HULC: variants seen among roughly 807,000 people sequenced by gnomAD.
HULC encodes hepatocellular carcinoma associated transcript 1 (non-protein coding).
At position 8,653,444 on chromosome 6, in the gene HULC, A is replaced by G. The variant is rs541126457; in HGVS notation, n.313+106230A>G. 27 of 152,236 alleles carry G rather than the reference A, an allele frequency of 1.8e-4. No homozygotes were observed. Among genetic ancestry groups the G allele is most frequent in the Middle Eastern group, 3.4e-3 (1 of 292 alleles). The allele number at this position is 152,236 out of a possible 1,614,324, so 9.4% of individuals were successfully genotyped here. ...GATGTAGAACAATATGGTCTTGGGA[A>G]GCTGAAAATGCTAACTGAAACAAGC... is the stretch of plus-strand genomic sequence containing the variant. On this transcript the variant is annotated intron_variant and non_coding_transcript_variant, in intron 3 of 8. Transcript: ENST00000645747. This position sits in a 1 kb window ranked among gnomAD's most constrained non-coding sequence, Gnocchi z 4.3.
rs1767327828 is a variant in HULC at position 8,653,349 on chromosome 6, ATGGAGAGACCCTT to A, written n.313+106137_313+106149del. On this transcript the variant is annotated intron_variant and non_coding_transcript_variant, in intron 3 of 8. Transcript: ENST00000645747. The surrounding 1 kb of genome is among the most constrained non-coding windows in gnomAD (Gnocchi z 4.3). ...CTTTTTTTTAATCATTGAAAAGTGA[ATGGAGAGACCCTT>A]TTTCATTTTTGCTGGACAGCTTACA... Among the ~76,000 whole-genome samples the A allele has an allele frequency of 6.6e-6, 1 of 152,130 alleles. No individual in the cohort carries two copies. The highest frequency in any genetic ancestry group is 2.4e-5 in the African/African-American group (1 of 41,430).
Position 8,652,603 on chromosome 6 carries a change from G to A in HULC, n.313+105389G>A, listed in dbSNP as rs1301067103. On this transcript the variant is annotated intron_variant and non_coding_transcript_variant, in intron 3 of 8. Transcript: ENST00000645747. This position sits in a 1 kb window ranked among gnomAD's most constrained non-coding sequence, Gnocchi z 5.0. ...GTTCGAACAATCTGGAACTCTTGAG[G>A]CTGAGCTGGTTCCCACAAGGACCAA... 6.6e-6 allele frequency: 1 copy of A among 152,266 alleles called. No homozygotes were observed. Among genetic ancestry groups the A allele is most frequent in the African/African-American group, 2.4e-5 (1 of 41,442 alleles). 9.4% of individuals were successfully genotyped at this position (152,266 alleles called of 1,614,324 possible). A position where few individuals can be genotyped will look rare whatever the true frequency, so the allele number is the denominator to read the frequency against.
chr6:8,653,802 A>G lies in HULC; in HGVS notation n.313+106588A>G, dbSNP rs1232332486. On this transcript the variant is annotated intron_variant and non_coding_transcript_variant, in intron 3 of 8. Coordinates refer to ENST00000645747, the Ensembl canonical transcript of HULC. The surrounding 1 kb of genome is among the most constrained non-coding windows in gnomAD (Gnocchi z 4.3). ...TATCATCAAAACTGAAACTAGAATTAAACAAAACTAAATTAAAATGAAATA... is the reference window on the plus strand; with the variant it reads ...TATCATCAAAACTGAAACTAGAATTGAACAAAACTAAATTAAAATGAAATA... The G allele has an allele frequency of 1.3e-5, 2 of 152,182 alleles. No homozygotes were observed. Among genetic ancestry groups the G allele is most frequent in the African/African-American group, 4.8e-5 (2 of 41,460 alleles). 9.4% of individuals were successfully genotyped at this position (152,182 alleles called of 1,614,324 possible). A position where few individuals can be genotyped will look rare whatever the true frequency, so the allele number is the denominator to read the frequency against.
rs1767325425 is a variant in HULC, at chr6:8,653,232, T to C, written n.313+106018T>C. The C allele has an allele frequency of 6.6e-6, 1 of 152,198 alleles. No homozygotes were observed. The highest frequency in any genetic ancestry group is 2.4e-5 in the African/African-American group (1 of 41,462). The allele number at this position is 152,198 out of a possible 1,614,324, so 9.4% of individuals were successfully genotyped here. A position where few individuals can be genotyped will look rare whatever the true frequency, so the allele number is the denominator to read the frequency against. ...AAAGATCAACCAACTTGTTCATTTT[T>C]CAATTGTTTAGGGCCTTGCTGGAAT... On this transcript the variant is annotated intron_variant and non_coding_transcript_variant, in intron 3 of 8. Transcript: ENST00000645747. The surrounding 1 kb of genome is among the most constrained non-coding windows in gnomAD (Gnocchi z 4.3).
rs1292172831 is a variant in HULC at position 8,653,324 on chromosome 6, CT to C, written n.313+106118del. On this transcript the variant is annotated intron_variant and non_coding_transcript_variant, in intron 3 of 8. Coordinates refer to ENST00000645747, the Ensembl canonical transcript of HULC. The surrounding 1 kb of genome is among the most constrained non-coding windows in gnomAD (Gnocchi z 4.3). ...TTATATAAAATTGATGCTTTTCTCTCTTTTTTTTAATCATTGAAAAGTGAAT... is the reference window on the plus strand; with the variant it reads ...TTATATAAAATTGATGCTTTTCTCTCTTTTTTTAATCATTGAAAAGTGAAT... 6.6e-6 allele frequency among the ~76,000 whole-genome samples: 1 copy of C among 151,806 alleles called. No homozygotes were observed. The highest frequency in any genetic ancestry group is 2.4e-5 in the African/African-American group (1 of 41,280).
At position 8,653,320 on chromosome 6, in the gene HULC, C is replaced by T. The variant is rs1266126056; in HGVS notation, n.313+106106C>T. On this transcript the variant is annotated intron_variant and non_coding_transcript_variant, in intron 3 of 8. Coordinates refer to ENST00000645747, the Ensembl canonical transcript of HULC. This position sits in a 1 kb window ranked among gnomAD's most constrained non-coding sequence, Gnocchi z 4.3. Reference sequence around the variant, plus strand: ...AGAGTTATATAAAATTGATGCTTTTCTCTCTTTTTTTTAATCATTGAAAAG... The same window carrying T: ...AGAGTTATATAAAATTGATGCTTTTTTCTCTTTTTTTTAATCATTGAAAAG... 6.6e-6 allele frequency among the ~76,000 whole-genome samples: 1 copy of T among 152,044 alleles called. No homozygotes were observed. The highest frequency in any genetic ancestry group is 2.4e-5 in the African/African-American group (1 of 41,394).
rs1361038776 is a variant in HULC, at chr6:8,653,593, T to A, written n.313+106379T>A. 1 of 152,224 alleles carries A rather than the reference T, an allele frequency of 6.6e-6. No homozygotes were observed. Among genetic ancestry groups the A allele is most frequent in the Non-Finnish European group, 1.5e-5 (1 of 68,040 alleles). The allele number at this position is 152,224 out of a possible 1,614,324, so 9.4% of individuals were successfully genotyped here. On this transcript the variant is annotated intron_variant and non_coding_transcript_variant, in intron 3 of 8. Coordinates refer to ENST00000645747, the Ensembl canonical transcript of HULC. The surrounding 1 kb of genome is among the most constrained non-coding windows in gnomAD (Gnocchi z 4.3). ...AAACTCTGAAGTAAAGGCCGGAATA[T>A]TCTTTGTTTAAAACATTAAAAACAA...
rs1303534606 is a variant in HULC at position 8,653,367 on chromosome 6, A to G, written n.313+106153A>G. On this transcript the variant is annotated intron_variant and non_coding_transcript_variant, in intron 3 of 8. Coordinates refer to ENST00000645747, the Ensembl canonical transcript of HULC. This position sits in a 1 kb window ranked among gnomAD's most constrained non-coding sequence, Gnocchi z 4.3. ...AAAGTGAATGGAGAGACCCTTTTTC[A>G]TTTTTGCTGGACAGCTTACAAATTC... 6.6e-6 allele frequency among the ~76,000 whole-genome samples: 1 copy of G among 151,756 alleles called. No homozygotes were observed. The highest frequency in any genetic ancestry group is 1.5e-5 in the Non-Finnish European group (1 of 67,928).
chr6:8,653,409 C>T lies in HULC; in HGVS notation n.313+106195C>T, dbSNP rs530565913. 99 of 152,088 alleles carry T rather than the reference C, an allele frequency of 6.5e-4. No individual in the cohort carries two copies. The highest frequency in any genetic ancestry group is 2.2e-3 in the African/African-American group (91 of 41,490). The allele number at this position is 152,088 out of a possible 1,614,324, so 9.4% of individuals were successfully genotyped here. A position where few individuals can be genotyped will look rare whatever the true frequency, so the allele number is the denominator to read the frequency against. On this transcript the variant is annotated intron_variant and non_coding_transcript_variant, in intron 3 of 8. Coordinates refer to ENST00000645747, the Ensembl canonical transcript of HULC. The surrounding 1 kb of genome is among the most constrained non-coding windows in gnomAD (Gnocchi z 4.3). ...TACAAATTCTAGATACATCAGAGCT[C>T]TTACATACAGATGTAGAACAATATG... is the stretch of plus-strand genomic sequence containing the variant.
rs757261173 is a variant in HULC, at chr6:8,652,855, A to G, written n.313+105641A>G. The G allele has an allele frequency of 6.6e-6, 1 of 152,248 alleles. No homozygotes were observed. The highest frequency in any genetic ancestry group is 1.5e-5 in the Non-Finnish European group (1 of 68,082). 9.4% of individuals were successfully genotyped at this position (152,248 alleles called of 1,614,324 possible). A position where few individuals can be genotyped will look rare whatever the true frequency, so the allele number is the denominator to read the frequency against. ...GACAACCATGTATGCTGTCTGAAGC[A>G]CAGCCTGACGCCCCTGTGGACCTTT... On this transcript the variant is annotated intron_variant and non_coding_transcript_variant, in intron 3 of 8. Transcript: ENST00000645747. The surrounding 1 kb of genome is among the most constrained non-coding windows in gnomAD (Gnocchi z 5.0).
Position 8,652,973 on chromosome 6 carries a change from G to A in HULC, n.313+105759G>A, listed in dbSNP as rs1173144297. 5 of 152,150 alleles carry A rather than the reference G, an allele frequency of 3.3e-5. No individual in the cohort carries two copies. Among genetic ancestry groups the A allele is most frequent in the African/African-American group, 4.8e-5 (2 of 41,418 alleles). The allele number at this position is 152,150 out of a possible 1,614,324, so 9.4% of individuals were successfully genotyped here. On this transcript the variant is annotated intron_variant and non_coding_transcript_variant, in intron 3 of 8. Transcript: ENST00000645747. This position sits in a 1 kb window ranked among gnomAD's most constrained non-coding sequence, Gnocchi z 5.0. The stretch of plus-strand genomic sequence containing the variant: ...CTCCACCCCCAACCCAGAACTCTGC[G>A]GATAAAGGAATTCTGGGAAATGTAG...
rs918834627 is a variant in HULC, at chr6:8,652,478, G to C, written n.313+105264G>C. The C allele has an allele frequency of 6.6e-6, 1 of 152,298 alleles. No homozygotes were observed. The highest frequency in any genetic ancestry group is 2.4e-5 in the African/African-American group (1 of 41,468). 9.4% of individuals were successfully genotyped at this position (152,298 alleles called of 1,614,324 possible). A position where few individuals can be genotyped will look rare whatever the true frequency, so the allele number is the denominator to read the frequency against. On this transcript the variant is annotated intron_variant and non_coding_transcript_variant, in intron 3 of 8. Coordinates refer to ENST00000645747, the Ensembl canonical transcript of HULC. The surrounding 1 kb of genome is among the most constrained non-coding windows in gnomAD (Gnocchi z 5.0). ...CACGTGAAGGTGGACTGAGACACAT[G>C]AAGCAGTCAGTGTGGGGCTGTTCCT...
rs1380887646 is a variant in HULC at position 8,653,408 on chromosome 6, T to C, written n.313+106194T>C. The C allele has an allele frequency of 6.6e-6, 1 of 152,082 alleles. No individual in the cohort carries two copies. The highest frequency in any genetic ancestry group is 6.6e-5 in the Admixed American group (1 of 15,256). The allele number at this position is 152,082 out of a possible 1,614,324, so 9.4% of individuals were successfully genotyped here. ...TTACAAATTCTAGATACATCAGAGC[T>C]CTTACATACAGATGTAGAACAATAT... is the stretch of plus-strand genomic sequence containing the variant. On this transcript the variant is annotated intron_variant and non_coding_transcript_variant, in intron 3 of 8. Coordinates refer to ENST00000645747, the Ensembl canonical transcript of HULC. This position sits in a 1 kb window ranked among gnomAD's most constrained non-coding sequence, Gnocchi z 4.3.
rs1444198035 is a variant in HULC, at chr6:8,652,625, C to G, written n.313+105411C>G. The G allele has an allele frequency of 6.6e-6, 1 of 152,202 alleles. No individual in the cohort carries two copies. The highest frequency in any genetic ancestry group is 1.5e-5 in the Non-Finnish European group (1 of 68,062). The allele number at this position is 152,202 out of a possible 1,614,324, so 9.4% of individuals were successfully genotyped here. ...GAGGCTGAGCTGGTTCCCACAAGGA[C>G]CAACTGGGACCCATTAGCCCCTCTT... is the stretch of plus-strand genomic sequence containing the variant. On this transcript the variant is annotated intron_variant and non_coding_transcript_variant, in intron 3 of 8. Transcript: ENST00000645747. This position sits in a 1 kb window ranked among gnomAD's most constrained non-coding sequence, Gnocchi z 5.0.
Position 8,653,396 on chromosome 6 carries a change from A to T in HULC, n.313+106182A>T, listed in dbSNP as rs1306990958. 1 of 152,080 alleles carries T rather than the reference A, an allele frequency of 6.6e-6. No homozygotes were observed. Among genetic ancestry groups the T allele is most frequent in the African/African-American group, 2.4e-5 (1 of 41,406 alleles). 9.4% of individuals were successfully genotyped at this position (152,080 alleles called of 1,614,324 possible). A position where few individuals can be genotyped will look rare whatever the true frequency, so the allele number is the denominator to read the frequency against. The stretch of plus-strand genomic sequence containing the variant: ...TTGCTGGACAGCTTACAAATTCTAG[A>T]TACATCAGAGCTCTTACATACAGAT... On this transcript the variant is annotated intron_variant and non_coding_transcript_variant, in intron 3 of 8. Transcript: ENST00000645747. This position sits in a 1 kb window ranked among gnomAD's most constrained non-coding sequence, Gnocchi z 4.3.
chr6:8,652,466 A>T lies in HULC; in HGVS notation n.313+105252A>T, dbSNP rs1257456609. On this transcript the variant is annotated intron_variant and non_coding_transcript_variant, in intron 3 of 8. Transcript: ENST00000645747. The surrounding 1 kb of genome is among the most constrained non-coding windows in gnomAD (Gnocchi z 5.0). ...AGCGGACTGAGACACGTGAAGGTGG[A>T]CTGAGACACATGAAGCAGTCAGTGT... 1 of 152,266 alleles carries T rather than the reference A, an allele frequency of 6.6e-6. No homozygotes were observed. Among genetic ancestry groups the T allele is most frequent in the Non-Finnish European group, 1.5e-5 (1 of 68,090 alleles). The allele number at this position is 152,266 out of a possible 1,614,324, so 9.4% of individuals were successfully genotyped here. A position where few individuals can be genotyped will look rare whatever the true frequency, so the allele number is the denominator to read the frequency against.
rs1177045476 is a variant in HULC, at chr6:8,653,587, G to A, written n.313+106373G>A. The A allele has an allele frequency of 2.0e-5, 3 of 152,026 alleles. No homozygotes were observed. Among genetic ancestry groups the A allele is most frequent in the Admixed American group, 6.6e-5 (1 of 15,262 alleles). The allele number at this position is 152,026 out of a possible 1,614,324, so 9.4% of individuals were successfully genotyped here. A position where few individuals can be genotyped will look rare whatever the true frequency, so the allele number is the denominator to read the frequency against. ...TGGAAGAAACTCTGAAGTAAAGGCC[G>A]GAATATTCTTTGTTTAAAACATTAA... On this transcript the variant is annotated intron_variant and non_coding_transcript_variant, in intron 3 of 8. Transcript: ENST00000645747. The surrounding 1 kb of genome is among the most constrained non-coding windows in gnomAD (Gnocchi z 4.3).
chr6:8,652,841 A>AG lies in HULC; in HGVS notation n.313+105627_313+105628insG. ...TGAACTGGCACTGGGACAACCATGTATGCTGTCTGAAGCACAGCCTGACGC... is the reference window on the plus strand; with the variant it reads ...TGAACTGGCACTGGGACAACCATGTAGTGCTGTCTGAAGCACAGCCTGACGC... On this transcript the variant is annotated intron_variant and non_coding_transcript_variant, in intron 3 of 8. Transcript: ENST00000645747. This position sits in a 1 kb window ranked among gnomAD's most constrained non-coding sequence, Gnocchi z 5.0. The AG allele has an allele frequency of 6.6e-6, 1 of 152,310 alleles. No individual in the cohort carries two copies. The highest frequency in any genetic ancestry group is 1.5e-5 in the Non-Finnish European group (1 of 68,128). The allele number at this position is 152,310 out of a possible 1,614,324, so 9.4% of individuals were successfully genotyped here.
In HULC at chr6:8,653,853, C is replaced by G. The variant is rs1767338040; in HGVS notation, n.313+106639C>G. The G allele has an allele frequency of 6.6e-6, 1 of 152,010 alleles. No individual in the cohort carries two copies. The allele number at this position is 152,010 out of a possible 1,614,324, so 9.4% of individuals were successfully genotyped here. ...AAATGATGTCCATTCTTAATTCATC[C>G]TCACAACTGGGCCACTAGTTTTATG... On this transcript the variant is annotated intron_variant and non_coding_transcript_variant, in intron 3 of 8. Transcript: ENST00000645747. This position sits in a 1 kb window ranked among gnomAD's most constrained non-coding sequence, Gnocchi z 4.3.
Sources: allele counts gnomAD v4.1 joint callset (sites outside exome capture counted in the v4.1 genomes callset), GRCh38; gene constraint gnomAD v4.1.1; non-coding constraint Gnocchi (gnomAD v3.1); transcripts MANE v1.5; gene names NCBI Gene and HGNC (gene_info 2026-07-23, HGNC 2026-07-21).